The following ANK2 variants were observed in gnomAD, a reference collection of about 807,000 sequenced individuals.
ANK2 encodes the protein ankyrin-2.
Under a neutral mutation model 360.5 loss-of-function variants are expected in ANK2, and 83 were observed. The observed-to-expected ratio is 0.23, with a 90% confidence interval of 0.19 to 0.28. The LOEUF (loss-of-function observed/expected upper bound fraction) is 0.28. Among genes scored for constraint, ANK2 ranks in the 10% least tolerant of loss-of-function variants. The pLI is 1.00. For missense variants in ANK2, 4,201 were observed against 4,795.7 expected (o/e 0.88, Z 3.66); for synonymous variants, 1,740 against 1,759.5 (o/e 0.99, Z 0.28).
At chr4:112,984,298 A>G (rs1293872701) in intron 2 of ANK2, among the ~76,000 whole-genome samples, 1 of 152,200 alleles carries the variant, frequency 6.6e-6, no homozygotes, top group Non-Finnish European at 1.5e-5. Context: ...GGCAATTTAC[A>G]AAAGAAAGGT....
intron 1 of ANK2, among the ~76,000 whole-genome samples, chr4:113,104,512 G>T (rs1390006874): frequency 1.3e-5 from 2 of 152,148 alleles, no homozygotes; most frequent in Non-Finnish European, 2.9e-5. Flanking sequence ...TCAGGAGTTT[G>T]AGACCAGCCT....
the ANK2 span, among the ~76,000 whole-genome samples, chr4:112,791,473 CTTCTTCTTT>C: frequency 1.0e-5 from 1 of 97,836 alleles, no homozygotes; most frequent in Non-Finnish European, 1.9e-5. Context: ...ACTTCTTCTT[CTTCTTCTTT>C]TTTTTTTTTT....
chr4:113,337,924 G>A (rs2093759283), intron 31 of ANK2, among the ~76,000 whole-genome samples: 1 of 152,074 alleles, frequency 6.6e-6, no homozygotes, highest in Non-Finnish European at 1.5e-5. Context: ...TCTGTGATAC[G>A]CTCTGCCCTT....
chr4:112,788,122 T>C, the ANK2 span: 5 of 1,578,496 alleles, frequency 3.2e-6, no homozygotes, highest in Non-Finnish European at 4.3e-6. Flanking sequence ...CCTTTGCCTT[T>C]TCGAGCTTGG....
intron 1 of ANK2, among the ~76,000 whole-genome samples, chr4:113,052,678 G>A (rs546382967): frequency 3.2e-4 from 49 of 152,202 alleles, no homozygotes; most frequent in Non-Finnish European, 6.3e-4. Context: ...GGAGCTTGTC[G>A]GTGCTCTCCA....
Position 113,320,766 on chromosome 4 carries a change from T to G in ANK2, c.2900+2146T>G, listed in dbSNP as rs567629369. Among the ~76,000 whole-genome samples the G allele has an allele frequency of 1.7e-3, 265 of 152,332 alleles. 1 individual carries two copies. The highest frequency in any genetic ancestry group is 6.0e-3 in the African/African-American group (249 of 41,576). ...CTACAAGCGCCAATAGTACAGTTGT[T>G]TTATATATAAACTGTTAGGAAAAAC... is the stretch of plus-strand genomic sequence containing the variant. On this transcript the variant is annotated intron_variant, in intron 26 of 45. Coordinates refer to ENST00000357077, the MANE Select transcript of ANK2 (RefSeq NM_001148.6).
rs148500091 is a variant in ANK2, at chr4:113,329,031, T to C, written c.2901-1215T>C. Among the ~76,000 whole-genome samples the C allele has an allele frequency of 1.4e-4, 22 of 152,360 alleles. No individual in the cohort carries two copies. The East Asian group carries it at 3.1e-3, about 21-fold the overall frequency. ...TATAAGCAGAGACATGATACACCTG[T>C]ATGTTGCTTTCCTCTTCCCATTTTG... On this transcript the variant is annotated intron_variant, in intron 26 of 45. Transcript: ENST00000357077.
chr4:112,719,999 C>A, the ANK2 span, among the ~76,000 whole-genome samples: 9 of 152,102 alleles, frequency 5.9e-5, no homozygotes, highest in Non-Finnish European at 1.3e-4. Flanking sequence ...GTGAGTTAGT[C>A]AACAGCCGGA....
intron 1 of ANK2, among the ~76,000 whole-genome samples, chr4:113,066,790 G>T (rs1436232526): frequency 1.3e-5 from 2 of 152,122 alleles, no homozygotes; most frequent in Non-Finnish European, 2.9e-5. Flanking sequence ...TCTGCTGCAT[G>T]CAAGGTGTGT....
At chr4:113,301,468 TC>T (rs1399284873) in intron 22 of ANK2, among the ~76,000 whole-genome samples, 1 of 152,054 alleles carries the variant, frequency 6.6e-6, no homozygotes, top group African/African-American at 2.4e-5. Flanking sequence ...CACATACATA[TC>T]CTTTTTTTTG....
chr4:113,063,702 T>C (rs1285131943), intron 1 of ANK2, among the ~76,000 whole-genome samples: 13 of 152,238 alleles, frequency 8.5e-5, no homozygotes, highest in Non-Finnish European at 4.4e-5. Flanking sequence ...TTATGAAAAA[T>C]GATATTTTAT....
intron 41 of ANK2, among the ~76,000 whole-genome samples, chr4:113,365,387 C>T (rs1564116804): frequency 6.6e-6 from 1 of 152,018 alleles, no homozygotes; most frequent in Admixed American, 6.6e-5. Flanking sequence ...GCTTCATGCT[C>T]ATTCTTTGTT....
intron 1 of ANK2, chr4:112,826,727 T>A (rs1177322628): frequency 2.4e-6 from 2 of 833,300 alleles, no homozygotes; most frequent in Non-Finnish European, 4.0e-6. Context: ...CCATAATACC[T>A]ACCAGTCAGT....
intron 1 of ANK2, among the ~76,000 whole-genome samples, chr4:113,052,020 A>G (rs1349636328): frequency 6.6e-6 from 1 of 152,206 alleles, no homozygotes; most frequent in Non-Finnish European, 1.5e-5. Flanking sequence ...TGCAAAGGCT[A>G]GTAGTCATTT....
chr4:112,996,940 T>C (rs535579841), intron 2 of ANK2, among the ~76,000 whole-genome samples: 1 of 152,252 alleles, frequency 6.6e-6, no homozygotes, highest in East Asian at 1.9e-4. Flanking sequence ...TCCTTCTCCC[T>C]ATGTCCATGA....
At chr4:112,931,248 G>T (rs1043984068) in intron 2 of ANK2, among the ~76,000 whole-genome samples, 8 of 151,984 alleles carry the variant, frequency 5.3e-5, no homozygotes, top group Non-Finnish European at 1.2e-4. Flanking sequence ...CGTGGAGACC[G>T]GAGTCTTAGT....
rs556480191 is a variant in ANK2 at position 113,227,231 on chromosome 4, T to C, written c.385-4930T>C. 1.4e-4 allele frequency among the ~76,000 whole-genome samples: 21 copies of C among 152,302 alleles called. No individual in the cohort carries two copies. The South Asian group carries it at 2.3e-3, about 17-fold the overall frequency. On this transcript the variant is annotated intron_variant, in intron 4 of 45. Coordinates refer to ENST00000357077, the MANE Select transcript of ANK2 (RefSeq NM_001148.6). ...ATTTTAAGGACCTGTAGTAAATCTTTATTGCCTTACTTCACATGTTTTGTA... is the reference window on the plus strand; with the variant it reads ...ATTTTAAGGACCTGTAGTAAATCTTCATTGCCTTACTTCACATGTTTTGTA...
At chr4:112,750,133 T>G in the ANK2 span, among the ~76,000 whole-genome samples, 1 of 152,064 alleles carries the variant, frequency 6.6e-6, no homozygotes, top group African/African-American at 2.4e-5. Flanking sequence ...CATGCATTGG[T>G]GCAATCACAG....
At position 113,356,944 on chromosome 4, in the gene ANK2, G is replaced by T. The variant is rs746208788; in HGVS notation, c.8326G>T (p.Gly2776Ter). ...TCAGCCAAAAATCTGTGATGGCCAT[G>T]GATGTGAGGCCATGAGTCCTAGCAG... The part of the protein sequence containing the change: ...TDQPKICDGH[G>*]CEAMSPSSSA... The change falls in exon 38 of 46, where the codon GGA becomes TGA. Residue 2776 changes from glycine (G) to a stop codon, truncating the protein, a stop_gained. Transcript: ENST00000357077. LOFTEE classifies it high-confidence loss of function. The T allele has an allele frequency of 8.1e-6, 13 of 1,613,952 alleles. No individual in the cohort carries two copies. In the South Asian group the frequency reaches 1.4e-4, roughly 18 times the overall value.
Sources: gnomAD v4.1 joint callset for allele counts (sites outside exome capture counted in the v4.1 genomes callset) on GRCh38, gnomAD v4.1.1 for gene constraint, MANE v1.5 for transcripts, NCBI Gene and HGNC (gene_info 2026-07-23, HGNC 2026-07-21) for gene names.